OSBP2: variants seen among roughly 807,000 people sequenced by gnomAD.
OSBP2 encodes oxysterol binding protein 2.
In OSBP2, 66 loss-of-function variants were observed where a neutral mutation model predicts 96.0. The observed-to-expected ratio is 0.69, with a 90% CI of 0.56 to 0.84. OSBP2 has a LOEUF of 0.84. OSBP2 is among the 40% of genes least tolerant of loss of function. The pLI is 0.00. For missense variants in OSBP2, 1,038 were observed against 1,222.7 expected, an observed-to-expected ratio of 0.85 and a Z score of 2.25; for synonymous variants, 525 against 520.9, an observed-to-expected ratio of 1.01 and a Z score of -0.11.
chr22:30,901,528 G>A (rs2040193879), intron 12 of OSBP2, among the ~76,000 whole-genome samples: 1 of 152,194 alleles, frequency 6.6e-6, no homozygotes, highest in Non-Finnish European at 1.5e-5. Flanking sequence ...CTGATACATT[G>A]CTGCTGGCAA....
chr22:30,810,086 A>G (rs79718362), intron 2 of OSBP2, among the ~76,000 whole-genome samples: 2 of 152,062 alleles, frequency 1.3e-5, no homozygotes, highest in African/African-American at 4.8e-5. Flanking sequence ...GGTGCTACAG[A>G]TGGGGAAATG....
At chr22:30,744,990 G>A (rs1323192642) in intron 2 of OSBP2, among the ~76,000 whole-genome samples, 1 of 152,110 alleles carries the variant, frequency 6.6e-6, no homozygotes. Flanking sequence ...TGACCGCAGT[G>A]GAATGAAGGT....
chr22:30,834,134 C>T (rs1602332047), intron 2 of OSBP2, among the ~76,000 whole-genome samples: 1 of 152,154 alleles, frequency 6.6e-6, no homozygotes, highest in East Asian at 1.9e-4. Context: ...ACTGCAGCCT[C>T]TAACTTCTAG....
intron 3 of OSBP2, among the ~76,000 whole-genome samples, chr22:30,872,762 A>C (rs1373509053): frequency 1.3e-5 from 2 of 152,180 alleles, no homozygotes; most frequent in African/African-American, 4.8e-5. Flanking sequence ...GCTAGCCCAG[A>C]GGCTTGTGTT....
intron 2 of OSBP2, among the ~76,000 whole-genome samples, chr22:30,742,210 A>C (rs927971060): frequency 6.6e-6 from 1 of 151,700 alleles, no homozygotes; most frequent in African/African-American, 2.4e-5. Flanking sequence ...CGGCAGGTGG[A>C]TCACGAGGTC....
intron 2 of OSBP2, among the ~76,000 whole-genome samples, chr22:30,817,907 GT>G (rs1188401641): frequency 6.6e-6 from 1 of 151,998 alleles, no homozygotes; most frequent in African/African-American, 2.4e-5. Flanking sequence ...ATCCTACTGG[GT>G]TTTTTGTTTG....
intron 2 of OSBP2, among the ~76,000 whole-genome samples, chr22:30,831,926 A>G (rs1232713478): frequency 6.6e-6 from 1 of 152,084 alleles, no homozygotes; most frequent in African/African-American, 2.4e-5. Flanking sequence ...GCCCAAAGTT[A>G]ATTGCCTTCT....
intron 2 of OSBP2, among the ~76,000 whole-genome samples, chr22:30,816,361 G>A (rs915247281): frequency 2.6e-5 from 4 of 152,064 alleles, no homozygotes; most frequent in Admixed American, 6.6e-5. Context: ...GGAATCTGTC[G>A]GTGAAAGTAG....
chr22:30,842,769 GTTCT>G (rs146495571), intron 2 of OSBP2: 23 of 152,146 alleles, frequency 1.5e-4, no homozygotes, highest in East Asian at 3.9e-4. Context: ...AATTCAGTTC[GTTCT>G]TTCTTTCTTT....
rs768256438 is a variant in OSBP2 at position 30,905,933 on chromosome 22, C to T, written c.2472C>T (p.Pro824=). ...CGCCAACCGACAGCCGCCTGCGGCCCGACCAGCGGCTGATGGAGAAGGGCC... is the reference window on the plus strand; with the variant it reads ...CGCCAACCGACAGCCGCCTGCGGCCTGACCAGCGGCTGATGGAGAAGGGCC... The part of the protein sequence containing the change: ...GVAPTDSRLR[P]DQRLMEKGRW... Residue 824 remains proline (P), a synonymous_variant, in exon 13 of 14, where the codon CCC becomes CCT. Coordinates refer to ENST00000332585, the MANE Select transcript of OSBP2 (RefSeq NM_030758.4). The T allele has an allele frequency of 4.3e-6, 7 of 1,612,716 alleles. No individual in the cohort carries two copies. The Admixed American group carries it at 8.3e-5, about 19-fold the overall frequency.
chr22:30,820,446 G>C (rs977064921), intron 2 of OSBP2, among the ~76,000 whole-genome samples: 3 of 151,434 alleles, frequency 2.0e-5, no homozygotes, highest in African/African-American at 7.3e-5. Context: ...CACTATTCCA[G>C]ACCCCCCGCC....
intron 2 of OSBP2, among the ~76,000 whole-genome samples, chr22:30,824,965 T>C (rs1370296486): frequency 6.6e-6 from 1 of 152,174 alleles, no homozygotes; most frequent in African/African-American, 2.4e-5. Context: ...CTCGGCTGTG[T>C]GTCTGTGCCC....
chr22:30,693,808 A>T, upstream of OSBP2: 1 of 414,134 alleles, frequency 2.4e-6, no homozygotes, highest in Non-Finnish European at 4.5e-6. Context: ...TTCTACTAAA[A>T]ATACAAAATT....
intron 1 of OSBP2, among the ~76,000 whole-genome samples, chr22:30,714,907 C>T (rs753260537): frequency 2.6e-5 from 4 of 152,194 alleles, no homozygotes; most frequent in Non-Finnish European, 4.4e-5. Flanking sequence ...TGAGCCACCA[C>T]GCCCAGCCTT....
chr22:30,862,404 G>C (rs758659401), intron 2 of OSBP2, among the ~76,000 whole-genome samples: 3 of 152,252 alleles, frequency 2.0e-5, no homozygotes, highest in Non-Finnish European at 4.4e-5. Context: ...AGCAGGCCAG[G>C]CACAGTGGCT....
intron 2 of OSBP2, among the ~76,000 whole-genome samples, chr22:30,868,477 T>A (rs2039392683): frequency 6.6e-6 from 1 of 152,228 alleles, no homozygotes; most frequent in Non-Finnish European, 1.5e-5. Context: ...GGCCTCTCAA[T>A]GGCCTTGCCA....
intron 1 of OSBP2, among the ~76,000 whole-genome samples, chr22:30,730,483 C>T (rs1159133482): frequency 6.6e-6 from 1 of 151,786 alleles, no homozygotes; most frequent in Non-Finnish European, 1.5e-5. Flanking sequence ...AAAGATGTGT[C>T]GTATTTATTT....
At chr22:30,700,277 T>C (rs1475970228) in intron 1 of OSBP2, among the ~76,000 whole-genome samples, 1 of 152,084 alleles carries the variant, frequency 6.6e-6, no homozygotes, top group East Asian at 1.9e-4. Flanking sequence ...AAGACAAGAT[T>C]CTTATTCCAT....
At chr22:30,887,079 T>C (rs1417000413) in intron 3 of OSBP2, among the ~76,000 whole-genome samples, 1 of 152,156 alleles carries the variant, frequency 6.6e-6, no homozygotes, top group Non-Finnish European at 1.5e-5. Flanking sequence ...TTTTAGACCA[T>C]AGAGGATGAC....
Sources: gnomAD v4.1 joint callset for allele counts (sites outside exome capture counted in the v4.1 genomes callset) on GRCh38, gnomAD v4.1.1 for gene constraint, MANE v1.5 for transcripts, NCBI Gene and HGNC (gene_info 2026-07-23, HGNC 2026-07-21) for gene names.